XRRA1: variants seen among roughly 807,000 people sequenced by gnomAD.
XRRA1 encodes the protein X-ray radiation resistance associated 1.
A neutral mutation model predicts 80.2 loss-of-function variants in XRRA1; 69 were observed. That is an observed-to-expected ratio of 0.86 (90% CI 0.71 to 1.05). XRRA1 has a LOEUF of 1.05. XRRA1 is among the 50% of genes least tolerant of loss of function. The pLI is 0.00. For missense variants in XRRA1, 967 were observed against 976.4 expected (o/e 0.99, Z 0.13); for synonymous variants, 348 against 389.9 (o/e 0.89, Z 1.27).
intron 10 of XRRA1, among the ~76,000 whole-genome samples, chr11:74,874,226 T>C (rs1590842592): frequency 1.3e-5 from 1 of 75,438 alleles, no homozygotes; most frequent in Non-Finnish European, 2.3e-5. Flanking sequence ...ACAGCAAGAC[T>C]CCGTCTCAAA....
intron 3 of XRRA1, among the ~76,000 whole-genome samples, chr11:74,937,636 T>C (rs1049026556): frequency 1.3e-5 from 2 of 151,694 alleles, no homozygotes; most frequent in South Asian, 2.1e-4. Context: ...ACATGTCTAC[T>C]GTAGAAAGAA....
intron 10 of XRRA1, among the ~76,000 whole-genome samples, chr11:74,899,951 A>C (rs998111121): frequency 6.6e-6 from 1 of 152,046 alleles, no homozygotes; most frequent in Non-Finnish European, 1.5e-5. Context: ...ACATTAAAAA[A>C]AATAATAATA....
intron 3 of XRRA1, among the ~76,000 whole-genome samples, chr11:74,937,617 C>A (rs1410323899): frequency 2.6e-5 from 4 of 150,966 alleles, no homozygotes; most frequent in Non-Finnish European, 1.5e-5. Flanking sequence ...AAAAAAAAAA[C>A]CTAATAATAC....
Position 74,859,196 on chromosome 11 carries a change from A to C in XRRA1, c.1132T>G (p.Phe378Val). 6.2e-7 allele frequency: 1 copy of C among 1,609,430 alleles called. No individual in the cohort carries two copies. The highest frequency in any genetic ancestry group is 1.1e-5 in the South Asian group (1 of 90,004). Residue 378 changes from phenylalanine (F) to valine (V), a missense_variant, in exon 12 of 19, where the codon TTC becomes GTC. Phe to Val is a conservative substitution (Grantham distance 50, BLOSUM62 -1). Transcript: ENST00000684022. ...KARNQTLAPP[F>V]PELRYLSLAY... The stretch of plus-strand genomic sequence containing the variant: ...AGGCTAAGGTATCTCAGCTCTGGGA[A>C]GGGTGGGGCCAGCGTCTGGTTCCTG...
In XRRA1 at chr11:74,841,662, C is replaced by G. The variant is rs1180984451; in HGVS notation, c.*1538G>C. The G allele has an allele frequency of 6.6e-6, 1 of 152,232 alleles. No homozygotes were observed. Among genetic ancestry groups the G allele is most frequent in the East Asian group, 1.9e-4 (1 of 5,198 alleles). 9.4% of individuals were successfully genotyped at this position (152,232 alleles called of 1,614,324 possible). On this transcript the variant is annotated 3_prime_UTR_variant, in exon 19 of 19. Coordinates refer to ENST00000684022, the MANE Select transcript of XRRA1 (RefSeq NM_001378157.1). ...AACTCTAAGCAGACTCCCTCTCTCC[C>G]TTTCTGGTGTCTTAAATCAAGAACT... is the stretch of plus-strand genomic sequence containing the variant.
intron 7 of XRRA1, among the ~76,000 whole-genome samples, chr11:74,925,669 C>T (rs567800497): frequency 1.3e-5 from 2 of 152,248 alleles, no homozygotes; most frequent in Admixed American, 6.5e-5. Flanking sequence ...TCATCAGATG[C>T]GATCACACTA....
chr11:74,856,070 T>G (rs1237748890), intron 12 of XRRA1, among the ~76,000 whole-genome samples: 1 of 152,198 alleles, frequency 6.6e-6, no homozygotes, highest in Non-Finnish European at 1.5e-5. Flanking sequence ...AGGTGGAGGC[T>G]GCAGTGAGCC....
In XRRA1 at chr11:74,927,480, GA is replaced by G. The variant is rs1942539966; in HGVS notation, c.432del (p.His145ThrfsTer6). On this transcript the variant is annotated frameshift_variant, in exon 7 of 19. Coordinates refer to ENST00000684022, the MANE Select transcript of XRRA1 (RefSeq NM_001378157.1). LOFTEE classifies it high-confidence loss of function. ...ASENLLPLEA[F>X]HTFPALKELD... ...AGTTCCTTTAGGGCTGGAAACGTGT[GA>G]AATGCCTCTACATGGGGAAGAGAAA... The G allele has an allele frequency of 3.1e-6, 5 of 1,609,048 alleles. No individual in the cohort carries two copies. The highest frequency in any genetic ancestry group is 4.3e-6 in the Non-Finnish European group (5 of 1,175,470).
rs1175871964 is a variant in XRRA1, at chr11:74,852,042, G to A, written c.1211C>T (p.Pro404Leu). 2.5e-6 allele frequency: 4 copies of A among 1,613,922 alleles called. No homozygotes were observed. Among genetic ancestry groups the A allele is most frequent in the Non-Finnish European group, 3.4e-6 (4 of 1,179,840 alleles). The part of the protein sequence containing the change: ...EDAVLPVALF[P>L]SLCEFVFHNN... ...ATGAAAGACGAACTCGCAGAGAGAT[G>A]GGAAGAGAGCTACTGGTAGGACAGC... The change falls in exon 13 of 19, where the codon CCA becomes CTA. Residue 404 changes from proline to leucine, a missense_variant. By Grantham distance (98) the Pro-to-Leu change is moderately conservative. Coordinates refer to ENST00000684022, the MANE Select transcript of XRRA1 (RefSeq NM_001378157.1).
rs959546917 is a variant in XRRA1 at position 74,941,008 on chromosome 11, C to T, written c.-4-126G>A. The T allele has an allele frequency of 1.7e-4, 109 of 650,360 alleles. No homozygotes were observed. The Middle Eastern group carries it at 2.1e-3, about 12-fold the overall frequency. 40.3% of individuals were successfully genotyped at this position (650,360 alleles called of 1,614,324 possible). A position where few individuals can be genotyped will look rare whatever the true frequency, so the allele number is the denominator to read the frequency against. On this transcript the variant is annotated intron_variant, in intron 2 of 18. Transcript: ENST00000684022. ...CCCGCACACACCCTGCCTCCGACAC[C>T]CTGGAGGCCCCACTGCCCTTGCTTC...
At chr11:74,873,965 C>T (rs567512291) in intron 10 of XRRA1, among the ~76,000 whole-genome samples, 7 of 152,088 alleles carry the variant, frequency 4.6e-5, no homozygotes, top group Admixed American at 1.3e-4. Context: ...AGGCCAGGCA[C>T]GGTGGCTCAC....
At chr11:74,916,659 G>C (rs930638796) in intron 8 of XRRA1, among the ~76,000 whole-genome samples, 1 of 151,824 alleles carries the variant, frequency 6.6e-6, no homozygotes, top group Admixed American at 6.6e-5. Flanking sequence ...CTCAGGGATA[G>C]TTTCTGTTGC....
chr11:74,891,761 C>G (rs979804330), intron 10 of XRRA1, among the ~76,000 whole-genome samples: 2 of 152,140 alleles, frequency 1.3e-5, no homozygotes, highest in Non-Finnish European at 2.9e-5. Flanking sequence ...ACACCAATAA[C>G]AGACAAACAG....
chr11:74,844,200 G>A lies in XRRA1; in HGVS notation c.2011C>T (p.Leu671Phe). 1 of 1,613,912 alleles carries A rather than the reference G, an allele frequency of 6.2e-7. No individual in the cohort carries two copies. The highest frequency in any genetic ancestry group is 8.5e-7 in the Non-Finnish European group (1 of 1,179,842). Residue 671 changes from leucine to phenylalanine, a missense_variant, in exon 17 of 19, where the codon CTT becomes TTT. Coordinates refer to ENST00000684022, the MANE Select transcript of XRRA1 (RefSeq NM_001378157.1). Reference protein sequence around the residue: ...CHSSKPKLDTLQKPYVHKEKR... With the variant: ...CHSSKPKLDTFQKPYVHKEKR... The stretch of plus-strand genomic sequence containing the variant: ...TCTTTGTGAACATAGGGTTTCTGAA[G>A]AGTGTCCAGCTTGGGCTTGGAGGAG...
rs766426669 is a variant in XRRA1, at chr11:74,930,307, C to T, written c.417G>A (p.Leu139=). 2.6e-6 allele frequency: 4 copies of T among 1,567,370 alleles called. No homozygotes were observed. Among genetic ancestry groups the T allele is most frequent in the Non-Finnish European group, 3.5e-6 (4 of 1,154,586 alleles). The change falls in exon 6 of 19, where the codon CTG becomes CTA. Residue 139 remains leucine (L), a synonymous_variant. Transcript: ENST00000684022. ...AAGAAAGAAAAAGCTTACCTAGAGGCAGCAGGTTTTCTGAGGCATTGATAT... is the reference window on the plus strand; with the variant it reads ...AAGAAAGAAAAAGCTTACCTAGAGGTAGCAGGTTTTCTGAGGCATTGATAT... ...VIYINASENL[L]PLEAFHTFPA...
chr11:74,873,060 C>A (rs1378376086), intron 10 of XRRA1, among the ~76,000 whole-genome samples: 1 of 152,128 alleles, frequency 6.6e-6, no homozygotes, highest in African/African-American at 2.4e-5. Context: ...AAGACAAACT[C>A]TTTGTTTCCC....
Position 74,940,789 on chromosome 11 carries a change from C to T in XRRA1, c.90G>A (p.Glu30=). 2 of 1,603,532 alleles carry T rather than the reference C, an allele frequency of 1.2e-6. No homozygotes were observed. Among genetic ancestry groups the T allele is most frequent in the Non-Finnish European group, 1.7e-6 (2 of 1,175,148 alleles). The change falls in exon 3 of 19, where the codon GAG becomes GAA. Residue 30 remains glutamate (E), a synonymous_variant. Transcript: ENST00000684022. The part of the protein sequence containing the change: ...FPARNLLRVP[E]EGQGHWLVVQ... ...CTATTTGAGAAGTCACCTGACCTTC[C>T]TCCGGCACGCGAAGCAGATTTCTGG...
chr11:74,868,263 C>T (rs1179456741), intron 10 of XRRA1, among the ~76,000 whole-genome samples: 1 of 152,102 alleles, frequency 6.6e-6, no homozygotes, highest in African/African-American at 2.4e-5. Flanking sequence ...ATTTCATATC[C>T]AGCCAAGCTA....
At chr11:74,926,550 C>A (rs1385279373) in intron 7 of XRRA1, among the ~76,000 whole-genome samples, 1 of 152,216 alleles carries the variant, frequency 6.6e-6, no homozygotes. Context: ...CCAGCCCACA[C>A]ACGTGGCTCC....
Sources: allele counts gnomAD v4.1 joint callset (sites outside exome capture counted in the v4.1 genomes callset), GRCh38; gene constraint gnomAD v4.1.1; transcripts MANE v1.5; gene names NCBI Gene and HGNC (gene_info 2026-07-23, HGNC 2026-07-21).